FBXL5: variants seen among roughly 807,000 people sequenced by gnomAD.
FBXL5 encodes F-box and leucine rich repeat protein 5.
FBXL5 carries 26 observed loss-of-function variants against 78.3 expected under a neutral mutation model. That is an observed-to-expected ratio of 0.33 (90% CI 0.24 to 0.46). FBXL5 has a LOEUF of 0.46. FBXL5 is among the 20% of genes least tolerant of loss of function. FBXL5 has a pLI of 1.00. For synonymous variants in FBXL5, 295 were observed against 282.5 expected, an observed-to-expected ratio of 1.04 and a Z score of -0.45; for missense variants, 710 against 829.2, an observed-to-expected ratio of 0.86 and a Z score of 1.77.
intron 1 of FBXL5, among the ~76,000 whole-genome samples, chr4:15,647,322 CTGTATTA>C (rs1715479277): frequency 6.7e-6 from 1 of 150,230 alleles, no homozygotes; most frequent in South Asian, 2.1e-4. Context: ...AGCATTTTCA[CTGTATTA>C]TGTATTATAA....
intron 5 of FBXL5, among the ~76,000 whole-genome samples, chr4:15,634,084 C>T (rs1471248315): frequency 6.6e-6 from 1 of 152,050 alleles, no homozygotes; most frequent in Non-Finnish European, 1.5e-5. Flanking sequence ...AACAAAAATG[C>T]CTCCAGATAT....
rs961512650 is a variant in FBXL5, at chr4:15,626,112, A to C, written c.1125-135T>G. 29 of 828,118 alleles carry C rather than the reference A, an allele frequency of 3.5e-5. No homozygotes were observed. In the South Asian group the frequency reaches 6.0e-4, roughly 17 times the overall value. The allele number at this position is 828,118 out of a possible 1,614,324, so 51.3% of individuals were successfully genotyped here. On this transcript the variant is annotated intron_variant, in intron 8 of 10. Transcript: ENST00000341285. ...CACTTAAGTATTTAGTGAATTATCTATTGTTAAGGTACTATTCTTGATGCT... is the reference window on the plus strand; with the variant it reads ...CACTTAAGTATTTAGTGAATTATCTCTTGTTAAGGTACTATTCTTGATGCT...
chr4:15,665,255 C>T (rs942014865), intron 1 of FBXL5, among the ~76,000 whole-genome samples: 2 of 152,032 alleles, frequency 1.3e-5, no homozygotes, highest in Non-Finnish European at 2.9e-5. Context: ...CATGTGTTTA[C>T]GTGAAGTAGC....
At chr4:15,676,917 C>T (rs1055765765) in intron 1 of FBXL5, among the ~76,000 whole-genome samples, 6 of 151,718 alleles carry the variant, frequency 4.0e-5, no homozygotes, top group Admixed American at 1.3e-4. Context: ...AACAAAAAGA[C>T]AAAAAAAGTA....
chr4:15,611,966 A>G (rs535979678), intron 10 of FBXL5: 1 of 212,692 alleles, frequency 4.7e-6, no homozygotes, highest in East Asian at 1.2e-4. Context: ...AGGAATACCT[A>G]AAACTTTTAA....
chr4:15,643,582 T>TAA (rs1491310578), intron 2 of FBXL5, among the ~76,000 whole-genome samples: 1 of 152,166 alleles, frequency 6.6e-6, no homozygotes, highest in Non-Finnish European at 1.5e-5. Context: ...AATTTTTATA[T>TAA]TTTTAGTAAA....
At chr4:15,630,380 C>A (rs1713501548) in intron 6 of FBXL5, among the ~76,000 whole-genome samples, 1 of 152,016 alleles carries the variant, frequency 6.6e-6, no homozygotes, top group South Asian at 2.1e-4. Flanking sequence ...TTGTAAACTA[C>A]AAAGCACTAT....
chr4:15,612,389 G>T lies in FBXL5; in HGVS notation c.1876C>A (p.Pro626Thr). Residue 626 changes from proline to threonine, a missense_variant, in exon 10 of 11, where the codon CCT becomes ACT. Around this residue, in one of 4 missense-constraint regions of FBXL5, gnomAD observed 58 missense variants for 112.3 expected, o/e 0.52. Coordinates refer to ENST00000341285, the MANE Select transcript of FBXL5 (RefSeq NM_012161.4). ...LRVLTLGGGLPYLEHLNLSGC... is the reference protein window; with the variant it reads ...LRVLTLGGGLTYLEHLNLSGC... ...GAGAGATTAAGGTGCTCCAAATAAG[G>T]CAGCCCTCCTCCCAGAGTCAAAACC... 6.2e-7 allele frequency: 1 copy of T among 1,610,774 alleles called. No homozygotes were observed. The highest frequency in any genetic ancestry group is 1.1e-5 in the South Asian group (1 of 90,244).
At position 15,628,001 on chromosome 4, in the gene FBXL5, T is replaced by C. The variant is rs1304858585; in HGVS notation, c.925A>G (p.Ile309Val). Reference sequence around the variant, plus strand: ...AGTAAACGTTTTTCCATTTGTGCAATGCTGATAGCAATTGATTCCTCCGCA... The same window carrying C: ...AGTAAACGTTTTTCCATTTGTGCAACGCTGATAGCAATTGATTCCTCCGCA... Reference protein sequence around the residue: ...ESAEESIAISIAQMEKRLLHG... With the variant: ...ESAEESIAISVAQMEKRLLHG... The change falls in exon 7 of 11, where the codon ATT (isoleucine) becomes GTT (valine). Residue 309 changes from isoleucine (I) to valine (V), a missense_variant. By Grantham distance (29) the Ile-to-Val change is conservative. Transcript: ENST00000341285. The C allele has an allele frequency of 1.2e-6, 2 of 1,613,794 alleles. No homozygotes were observed. The highest frequency in any genetic ancestry group is 2.2e-5 in the East Asian group (1 of 44,826).
At chr4:15,607,714 T>C (rs576728670) in intron 10 of FBXL5, among the ~76,000 whole-genome samples, 3 of 152,248 alleles carry the variant, frequency 2.0e-5, no homozygotes, top group African/African-American at 4.8e-5. Flanking sequence ...ACCTAGTGCC[T>C]CTCCTCAAGA....
intron 1 of FBXL5, among the ~76,000 whole-genome samples, chr4:15,668,328 TAATC>T (rs1303392754): frequency 6.6e-6 from 1 of 151,764 alleles, no homozygotes; most frequent in African/African-American, 2.4e-5. Context: ...AAAATAAAAA[TAATC>T]AAGAATGATG....
chr4:15,680,055 G>A (rs1472999816), intron 1 of FBXL5, among the ~76,000 whole-genome samples: 1 of 151,368 alleles, frequency 6.6e-6, no homozygotes, highest in Non-Finnish European at 1.5e-5. Flanking sequence ...GTATGTGACA[G>A]GAAAAAATAA....
intron 2 of FBXL5, chr4:15,641,475 T>A (rs1045454921): frequency 5.3e-5 from 18 of 341,116 alleles, no homozygotes; most frequent in African/African-American, 3.9e-4. Context: ...GTGAATAGAT[T>A]TTTTTCTTCC....
At chr4:15,650,468 T>C (rs953306122) in intron 1 of FBXL5, among the ~76,000 whole-genome samples, 12 of 152,232 alleles carry the variant, frequency 7.9e-5, no homozygotes, top group East Asian at 3.9e-4. Flanking sequence ...GACCTACTAC[T>C]AATAGGTCAC....
chr4:15,626,573 C>A (rs1001525640), intron 8 of FBXL5, among the ~76,000 whole-genome samples: 5 of 152,168 alleles, frequency 3.3e-5, no homozygotes, highest in African/African-American at 1.2e-4. Flanking sequence ...GCACTTAGAG[C>A]CCAACTAAAA....
intron 1 of FBXL5, among the ~76,000 whole-genome samples, chr4:15,647,825 G>A (rs1715527523): frequency 6.6e-6 from 1 of 152,078 alleles, no homozygotes; most frequent in Admixed American, 6.6e-5. Flanking sequence ...TGTAAAACAG[G>A]GCTAATAATA....
intron 5 of FBXL5, among the ~76,000 whole-genome samples, chr4:15,634,598 C>T (rs1460239812): frequency 6.6e-6 from 1 of 151,912 alleles, no homozygotes; most frequent in Non-Finnish European, 1.5e-5. Context: ...AACTCCTGAA[C>T]TCAGGTGATC....
chr4:15,655,329 C>G lies in FBXL5; in HGVS notation c.-42G>C. ...TCCGCCTCAGCAGCCGCGGCCGCCG[C>G]CTCTCCATAGACACCCTCGCCGCGG... On this transcript the variant is annotated 5_prime_UTR_variant, in exon 1 of 11. Coordinates refer to ENST00000341285, the MANE Select transcript of FBXL5 (RefSeq NM_012161.4). 7.4e-7 allele frequency: 1 copy of G among 1,348,944 alleles called. No homozygotes were observed. The highest frequency in any genetic ancestry group is 9.8e-7 in the Non-Finnish European group (1 of 1,022,734). The allele number at this position is 1,348,944 out of a possible 1,614,324, so 83.6% of individuals were successfully genotyped here. A position where few individuals can be genotyped will look rare whatever the true frequency, so the allele number is the denominator to read the frequency against.
At chr4:15,607,136 G>A (rs1015434759) in intron 10 of FBXL5, among the ~76,000 whole-genome samples, 2 of 152,154 alleles carry the variant, frequency 1.3e-5, no homozygotes, top group African/African-American at 4.8e-5. Flanking sequence ...TAATTTTTAA[G>A]TTGATATGAC....
Sources: allele counts gnomAD v4.1 joint callset (sites outside exome capture counted in the v4.1 genomes callset), GRCh38; gene constraint gnomAD v4.1.1; regional missense constraint gnomAD v4.1.1; transcripts MANE v1.5; gene names NCBI Gene and HGNC (gene_info 2026-07-23, HGNC 2026-07-21).